The following MED23 variants were observed in gnomAD, a reference collection of about 807,000 sequenced individuals.
MED23 encodes the protein mediator complex subunit 23, also known as mediator of RNA polymerase II transcription subunit 23.
A neutral mutation model predicts 163.9 loss-of-function variants in MED23; 105 were observed. The ratio of observed to expected loss-of-function variants is 0.64; its 90% confidence interval spans 0.55 to 0.75. The LOEUF (loss-of-function observed/expected upper bound fraction) is 0.75. Among genes scored for constraint, MED23 ranks in the 30% least tolerant of loss-of-function variants. MED23 has a pLI of 0.00. For synonymous variants in MED23, 561 were observed against 565.6 expected (o/e 0.99, Z 0.12); for missense variants, 1,054 against 1,649.0 (o/e 0.64, Z 6.25).
intron 27 of MED23, among the ~76,000 whole-genome samples, chr6:131,589,986 T>C (rs2114581016): frequency 6.6e-6 from 1 of 152,330 alleles, no homozygotes; most frequent in South Asian, 2.1e-4. Context: ...TCCTGGGTCC[T>C]TTCCTTGTTT....
chr6:131,574,490 A>G (rs777195079), intron 30 of MED23, among the ~76,000 whole-genome samples: 17 of 152,196 alleles, frequency 1.1e-4, no homozygotes, highest in Non-Finnish European at 2.5e-4. Context: ...TAATAAATAT[A>G]TAATTTAAAA....
intron 10 of MED23, among the ~76,000 whole-genome samples, chr6:131,611,976 T>TA (rs1204953514): frequency 3.9e-5 from 6 of 152,126 alleles, no homozygotes; most frequent in African/African-American, 1.2e-4. Flanking sequence ...ATCATACAGT[T>TA]AATGATTTTA....
intron 9 of MED23, among the ~76,000 whole-genome samples, chr6:131,618,030 CAAAT>C (rs1360096435): frequency 6.6e-6 from 1 of 152,128 alleles, no homozygotes; most frequent in Non-Finnish European, 1.5e-5. Flanking sequence ...TTTGGAAAGA[CAAAT>C]AACTTGATAG....
At chr6:131,593,981 T>C in intron 23 of MED23, 118 bp downstream of exon 23, 1 of 809,592 alleles carries the variant, frequency 1.2e-6, no homozygotes, top group South Asian at 1.7e-5. Flanking sequence ...ATGGAAGTGA[T>C]CTTAAAAAAA....
chr6:131,615,023 A>G (rs1432781082), intron 10 of MED23, among the ~76,000 whole-genome samples: 2 of 150,208 alleles, frequency 1.3e-5, no homozygotes, highest in African/African-American at 4.9e-5. Context: ...ACCATCAAAA[A>G]GTGACAGGCT....
At chr6:131,627,156 G>GTT (rs1406002221) in intron 3 of MED23, 114 of 400,140 alleles carry the variant, frequency 2.8e-4, no homozygotes, top group African/African-American at 1.1e-3. Context: ...CATAGGGGAG[G>GTT]TTTTTTTTTT....
intron 3 of MED23, 51 bp downstream of exon 3, chr6:131,627,345 A>G: frequency 1.5e-6 from 2 of 1,355,406 alleles, no homozygotes; most frequent in Non-Finnish European, 1.0e-6. Context: ...AAAAAAAAAA[A>G]AGAAGAGGCC....
downstream of MED23, chr6:131,586,629 T>C: frequency 3.4e-6 from 2 of 584,136 alleles, no homozygotes; most frequent in Non-Finnish European, 4.8e-6. Flanking sequence ...CCTAGGCCAA[T>C]GTCAGTCACC....
At chr6:131,610,275 C>T in intron 10 of MED23, 29 bp from the exon 11 acceptor site, 3 of 1,607,164 alleles carry the variant, frequency 1.9e-6, no homozygotes, top group Non-Finnish European at 2.6e-6. Context: ...ATACAGTATT[C>T]CAAAAGCCTC....
At chr6:131,576,138 C>T (rs2781668) in intron 30 of MED23, among the ~76,000 whole-genome samples, 24,786 of 152,162 alleles carry the variant, frequency 0.16, 2,278 homozygotes, top group East Asian at 0.27. Flanking sequence ...TTTACTGACA[C>T]ACCCTGTCCC....
chr6:131,609,801 T>A (rs1313417764), intron 11 of MED23, among the ~76,000 whole-genome samples: 1 of 150,450 alleles, frequency 6.6e-6, no homozygotes, highest in Admixed American at 6.6e-5. Context: ...CTTGAGGATA[T>A]TACAGTGCCT....
intron 17 of MED23, among the ~76,000 whole-genome samples, chr6:131,600,843 G>C (rs1775420154): frequency 6.6e-6 from 1 of 152,176 alleles, no homozygotes; most frequent in Non-Finnish European, 1.5e-5. Flanking sequence ...TGCCAGACTA[G>C]ATGAAAAGGC....
At chr6:131,626,283 T>C (rs933792711) in intron 3 of MED23, among the ~76,000 whole-genome samples, 10 of 152,080 alleles carry the variant, frequency 6.6e-5, no homozygotes, top group Non-Finnish European at 2.9e-5. Context: ...TTTATCCTAT[T>C]TTTCATGCAT....
intron 25 of MED23, among the ~76,000 whole-genome samples, chr6:131,592,179 T>C (rs1489189904): frequency 1.3e-5 from 2 of 152,192 alleles, no homozygotes; most frequent in East Asian, 1.9e-4. Context: ...CACATAGATA[T>C]ATTTAGATCT....
rs763458867 is a variant in MED23, at chr6:131,598,207, T to C, written c.2607+80A>G. 38 of 1,339,882 alleles carry C rather than the reference T, an allele frequency of 2.8e-5. No homozygotes were observed. The highest frequency in any genetic ancestry group is 4.0e-5 in the Non-Finnish European group (37 of 935,832). 83.0% of individuals were successfully genotyped at this position (1,339,882 alleles called of 1,614,324 possible). A position where few individuals can be genotyped will look rare whatever the true frequency, so the allele number is the denominator to read the frequency against. On this transcript the variant is annotated intron_variant, in intron 20 of 28. Coordinates refer to ENST00000368068, the MANE Select transcript of MED23 (RefSeq NM_004830.4). This position sits in a 1 kb window ranked among gnomAD's most constrained non-coding sequence, Gnocchi z 4.7. ...AAATTCATTAAATCCTTCAAAGCAATATAGAGCAGATTGGCATAACATATA... is the reference window on the plus strand; with the variant it reads ...AAATTCATTAAATCCTTCAAAGCAACATAGAGCAGATTGGCATAACATATA...
intron 16 of MED23, 146 bp downstream of exon 16, chr6:131,602,884 C>G (rs1029257802): frequency 2.4e-6 from 2 of 829,738 alleles, no homozygotes; most frequent in Admixed American, 5.8e-5. Flanking sequence ...ATACTGGAAA[C>G]AAAATACTTT....
Position 131,587,652 on chromosome 6 carries a change from C to T in MED23, c.*27G>A. On this transcript the variant is annotated 3_prime_UTR_variant, in exon 29 of 29. Coordinates refer to ENST00000368068, the MANE Select transcript of MED23 (RefSeq NM_004830.4). ...TCCACTCTCAAAGACGGATATATTT[C>T]TACTTTCTCCACAGTACAGTCTGGC... 1 of 1,613,876 alleles carries T rather than the reference C, an allele frequency of 6.2e-7. No homozygotes were observed. The highest frequency in any genetic ancestry group is 8.5e-7 in the Non-Finnish European group (1 of 1,179,900).
Position 131,628,046 on chromosome 6 carries a change from C to T in MED23, c.4G>A (p.Glu2Lys). The T allele has an allele frequency of 6.2e-7, 1 of 1,614,026 alleles. No homozygotes were observed. Among genetic ancestry groups the T allele is most frequent in the East Asian group, 2.2e-5 (1 of 44,876 alleles). Reference sequence around the variant, plus strand: ...TCGAAAATGCTCTGCAGTTGCGTCTCCATCTGTACTATCACCCCCGCCTTT... The same window carrying T: ...TCGAAAATGCTCTGCAGTTGCGTCTTCATCTGTACTATCACCCCCGCCTTT... M[E>K]TQLQSIFEEV... Residue 2 changes from glutamate (E) to lysine (K), a missense_variant, in exon 1 of 29, where the codon GAG becomes AAG. Glu to Lys is a moderately conservative substitution (Grantham distance 56, BLOSUM62 1). Transcript: ENST00000368068.
rs371527053 is a variant in MED23, at chr6:131,596,161, T to C, written c.2781A>G (p.Lys927=). ...CCTCAAAATACAACTTCTCTGGATA[T>C]TTCTGTGGAATTGAGAAGATGATAA... The part of the protein sequence containing the change: ...WHTKHMNYHK[K]YPEKLYFEGL... The change falls in exon 22 of 29, where the codon AAA becomes AAG. Residue 927 remains lysine (K), a splice_region_variant and synonymous_variant. Transcript: ENST00000368068. 3.7e-6 allele frequency: 6 copies of C among 1,613,552 alleles called. No individual in the cohort carries two copies. The highest frequency in any genetic ancestry group is 5.1e-6 in the Non-Finnish European group (6 of 1,179,576).
Sources: gnomAD v4.1 joint callset for allele counts (sites outside exome capture counted in the v4.1 genomes callset) on GRCh38, gnomAD v4.1.1 for gene constraint, Gnocchi (gnomAD v3.1) non-coding constraint, MANE v1.5 for transcripts, NCBI Gene and HGNC (gene_info 2026-07-23, HGNC 2026-07-21) for gene names.